The following RGS17 variants were observed in gnomAD, a reference collection of about 807,000 sequenced individuals.
The protein encoded by RGS17 is regulator of G-protein signaling 17.
Under a neutral mutation model 25.5 loss-of-function variants are expected in RGS17, and 12 were observed. The ratio of observed to expected loss-of-function variants is 0.47; its 90% CI spans 0.30 to 0.76. RGS17 has a LOEUF of 0.76. Ranked by LOEUF, RGS17 falls within the 30% of genes least tolerant of loss-of-function variation. RGS17 has a pLI of 0.07. For missense variants in RGS17, 196 were observed against 242.2 expected, an observed-to-expected ratio of 0.81 and a Z score of 1.27; for synonymous variants, 71 against 76.9, an observed-to-expected ratio of 0.92 and a Z score of 0.40.
At position 153,032,765 on chromosome 6, in the gene RGS17, T is replaced by C. The variant is rs1474099289; in HGVS notation, c.120-6222A>G. On this transcript the variant is annotated intron_variant, in intron 2 of 4. Transcript: ENST00000206262. ...TTTGGTATTTACAAAATATTCTGAATAGATCCCGGCCCAAAGTCATTTGAT... is the reference window on the plus strand; with the variant it reads ...TTTGGTATTTACAAAATATTCTGAACAGATCCCGGCCCAAAGTCATTTGAT... Among the ~76,000 whole-genome samples the C allele has an allele frequency of 2.0e-5, 3 of 146,890 alleles. No individual in the cohort carries two copies. The Admixed American group carries it at 2.1e-4, about 10-fold the overall frequency.
intron 3 of RGS17, among the ~76,000 whole-genome samples, chr6:153,025,117 CT>C (rs2129107024): frequency 6.6e-6 from 1 of 150,690 alleles, no homozygotes; most frequent in African/African-American, 2.4e-5. Flanking sequence ...TGAGGTCAGC[CT>C]GGGAAACATA....
At chr6:153,073,000 T>C (rs181407230) in intron 1 of RGS17, among the ~76,000 whole-genome samples, 142 of 152,268 alleles carry the variant, frequency 9.3e-4, no homozygotes, top group African/African-American at 3.2e-3. Context: ...TCAGCAAACA[T>C]GCATGTATTA....
chr6:153,025,461 T>A (rs1245861939), intron 3 of RGS17, among the ~76,000 whole-genome samples: 1 of 151,840 alleles, frequency 6.6e-6, no homozygotes. Context: ...AGTGACTAGG[T>A]GACTGCAAAA....
rs369445940 is a variant in RGS17, at chr6:153,024,285, T to C, written c.421A>G (p.Ile141Val). The C allele has an allele frequency of 6.2e-7, 1 of 1,611,034 alleles. No individual in the cohort carries two copies. Among genetic ancestry groups the C allele is most frequent in the African/African-American group, 1.3e-5 (1 of 74,898 alleles). ...ACCTCTTTTGGTGATAGTATAGAAA[T>C]GTAATCTTCATATATCATCCTAGCC... Reference protein sequence around the residue: ...EKARMIYEDYISILSPKEVSL... With the variant: ...EKARMIYEDYVSILSPKEVSL... Residue 141 changes from isoleucine (I) to valine (V), a missense_variant, in exon 4 of 5, where the codon ATT becomes GTT. Ile to Val is a conservative substitution (Grantham distance 29, BLOSUM62 3). This residue lies in a region of RGS17 where 179 missense variants were observed against 197.6 expected (regional missense o/e 0.91). Coordinates refer to ENST00000206262, the MANE Select transcript of RGS17 (RefSeq NM_012419.5).
chr6:153,020,397 C>T (rs1274518451), intron 4 of RGS17, among the ~76,000 whole-genome samples: 1 of 151,612 alleles, frequency 6.6e-6, no homozygotes. Context: ...TTGTAATCCA[C>T]CCATCTTGGC....
intron 1 of RGS17, among the ~76,000 whole-genome samples, chr6:153,088,503 C>CT: frequency 6.6e-6 from 1 of 152,162 alleles, no homozygotes; most frequent in African/African-American, 2.4e-5. Context: ...TCTTAAATTG[C>CT]TTTTTTATTC....
chr6:153,109,579 T>C (rs544702095), intron 1 of RGS17, among the ~76,000 whole-genome samples: 3 of 152,354 alleles, frequency 2.0e-5, no homozygotes, highest in East Asian at 3.9e-4. Context: ...GAAAATTAGA[T>C]TGTATTTTAA....
chr6:153,104,185 C>T (rs1248676584), intron 1 of RGS17, among the ~76,000 whole-genome samples: 1 of 152,180 alleles, frequency 6.6e-6, no homozygotes, highest in Admixed American at 6.5e-5. Context: ...TATGTTCAAA[C>T]TCATCTTAAT....
At chr6:153,036,321 A>G (rs523555) in intron 2 of RGS17, among the ~76,000 whole-genome samples, 30,710 of 152,102 alleles carry the variant, frequency 0.2, 3,741 homozygotes, top group Non-Finnish European at 0.27. Flanking sequence ...CCAAAGTGCT[A>G]GGATTACAGT....
At chr6:153,046,466 G>A (rs1051623530) in intron 1 of RGS17, among the ~76,000 whole-genome samples, 11 of 151,490 alleles carry the variant, frequency 7.3e-5, no homozygotes, top group African/African-American at 2.4e-4. Context: ...ACAACATTAT[G>A]TACCCCATGA....
At chr6:153,026,131 TA>T (rs1244657474) in intron 3 of RGS17, among the ~76,000 whole-genome samples, 1 of 152,156 alleles carries the variant, frequency 6.6e-6, no homozygotes, top group Admixed American at 6.5e-5. Context: ...ACTTCTCTTA[TA>T]AAGAGAAAAA....
Position 153,004,480 on chromosome 6 carries a change from A to T in RGS17, c.*7094T>A, listed in dbSNP as rs1458473812. The T allele has an allele frequency of 6.6e-6, 1 of 152,242 alleles. No individual in the cohort carries two copies. The highest frequency in any genetic ancestry group is 1.5e-5 in the Non-Finnish European group (1 of 68,036). The allele number at this position is 152,242 out of a possible 1,614,324, so 9.4% of individuals were successfully genotyped here. ...AGGATACATTGTTGAATTCTTTATT[A>T]ATTCAAAACATTTTAAGAAAGTCAG... On this transcript the variant is annotated 3_prime_UTR_variant, in exon 5 of 5. Transcript: ENST00000206262.
At chr6:153,104,944 G>A (rs1329810493) in intron 1 of RGS17, among the ~76,000 whole-genome samples, 2 of 150,090 alleles carry the variant, frequency 1.3e-5, no homozygotes, top group Non-Finnish European at 3.0e-5. Context: ...CAGGCAGGAG[G>A]AAGGAAAATG....
chr6:153,029,522 A>C (rs911523330), intron 2 of RGS17, among the ~76,000 whole-genome samples: 3 of 152,124 alleles, frequency 2.0e-5, no homozygotes, highest in Non-Finnish European at 2.9e-5. Flanking sequence ...GTTTGAGGAA[A>C]GCCCTAAAAG....
chr6:153,067,170 A>T (rs535586894), intron 1 of RGS17, among the ~76,000 whole-genome samples: 1 of 152,322 alleles, frequency 6.6e-6, no homozygotes, highest in East Asian at 1.9e-4. Flanking sequence ...ACTTCAACAT[A>T]ATAAAAGCCA....
At chr6:153,123,440 T>C (rs1033568560) in intron 1 of RGS17, among the ~76,000 whole-genome samples, 5 of 152,188 alleles carry the variant, frequency 3.3e-5, no homozygotes, top group African/African-American at 1.2e-4. Context: ...CTTAGATATA[T>C]TAACTATCTA....
At chr6:153,032,344 G>T (rs890717932) in intron 2 of RGS17, among the ~76,000 whole-genome samples, 2 of 152,020 alleles carry the variant, frequency 1.3e-5, no homozygotes, top group African/African-American at 4.8e-5. Flanking sequence ...ACCCCATGTT[G>T]CCCCTCTAAA....
intron 2 of RGS17, among the ~76,000 whole-genome samples, chr6:153,033,181 C>T (rs750317694): frequency 4.6e-5 from 7 of 152,026 alleles, no homozygotes; most frequent in Non-Finnish European, 8.8e-5. Context: ...TCAAAAATTC[C>T]ATCTTTTTAT....
rs1474687382 is a variant in RGS17, at chr6:153,008,946, T to A, written c.*2628A>T. The A allele has an allele frequency of 6.6e-6, 1 of 152,132 alleles. No homozygotes were observed. Among genetic ancestry groups the A allele is most frequent in the Non-Finnish European group, 1.5e-5 (1 of 67,996 alleles). The allele number at this position is 152,132 out of a possible 1,614,324, so 9.4% of individuals were successfully genotyped here. A position where few individuals can be genotyped will look rare whatever the true frequency, so the allele number is the denominator to read the frequency against. ...GAGAAACCCTCCCCTCACCCAAAAA[T>A]ACGAGTTTAGCACAGAAATGCTCAC... On this transcript the variant is annotated 3_prime_UTR_variant, in exon 5 of 5. Coordinates refer to ENST00000206262, the MANE Select transcript of RGS17 (RefSeq NM_012419.5).
Sources: gnomAD v4.1 joint callset for allele counts (sites outside exome capture counted in the v4.1 genomes callset) on GRCh38, gnomAD v4.1.1 for gene constraint, gnomAD v4.1.1 regional missense constraint, MANE v1.5 for transcripts, NCBI Gene and HGNC (gene_info 2026-07-23, HGNC 2026-07-21) for gene names.